TBCD: variants seen among roughly 807,000 people sequenced by gnomAD.
TBCD encodes the protein tubulin-specific chaperone D.
A neutral mutation model predicts 169.3 loss-of-function variants in TBCD; 105 were observed. That is an observed-to-expected ratio of 0.62 (90% confidence interval 0.53 to 0.73). TBCD has a LOEUF of 0.73. TBCD is among the 30% of genes least tolerant of loss of function. TBCD has a pLI of 0.00. For synonymous variants in TBCD, 700 were observed against 643.9 expected (o/e 1.09, Z -1.32); for missense variants, 1,444 against 1,600.1 (o/e 0.90, Z 1.66).
intron 34 of TBCD, among the ~76,000 whole-genome samples, chr17:82,936,288 AT>A (rs1275193821): frequency 6.6e-6 from 1 of 152,080 alleles, no homozygotes; most frequent in Non-Finnish European, 1.5e-5. Flanking sequence ...TGGAATTCTT[AT>A]TGTGGAGTTT....
chr17:82,805,987 C>G lies in TBCD; in HGVS notation c.1063C>G (p.Pro355Ala). The change falls in exon 10 of 39, where the codon CCA becomes GCA. Residue 355 changes from proline to alanine, a missense_variant. Pro to Ala is a conservative substitution (Grantham distance 27). Transcript: ENST00000355528. Reference protein sequence around the residue: ...TEDDDEDDDVPEGVERVIEQL... With the variant: ...TEDDDEDDDVAEGVERVIEQL... ...AGATGACGACGAAGATGACGACGTC[C>G]CAGAGGGGGTGGAGCGTGTGATAGG... 3.7e-6 allele frequency: 6 copies of G among 1,613,754 alleles called. No homozygotes were observed. The highest frequency in any genetic ancestry group is 5.1e-6 in the Non-Finnish European group (6 of 1,179,742).
At chr17:82,810,029 T>C (rs1430825730) in intron 12 of TBCD, among the ~76,000 whole-genome samples, 1 of 152,222 alleles carries the variant, frequency 6.6e-6, no homozygotes, top group African/African-American at 2.4e-5. Flanking sequence ...CCCATGTAGA[T>C]GTTTATTCTG....
rs1041994030 is a variant in TBCD at position 82,847,356 on chromosome 17, GAAAAAAA to G, written c.1319-22851_1319-22845del. On this transcript the variant is annotated intron_variant, in intron 13 of 38. Transcript: ENST00000355528. ...CAACAGAGCGAGACTCCATGTCAAA[GAAAAAAA>G]AAAAAAAAAAAAAAAAGAAACAACC... Among the ~76,000 whole-genome samples, 42 of 81,750 alleles carry G rather than the reference GAAAAAAA, an allele frequency of 5.1e-4. No homozygotes were observed. In the East Asian group the frequency reaches 7.1e-3, roughly 14 times the overall value. 53.6% of individuals were successfully genotyped at this position (81,750 alleles called of 152,430 possible).
chr17:82,932,627 T>TC (rs1232719127), intron 33 of TBCD, 31 bp from the exon 34 acceptor site: 25 of 1,602,560 alleles, frequency 1.6e-5, no homozygotes, highest in Non-Finnish European at 2.0e-5. Context: ...GTTGCTGGTG[T>TC]CCAGGGTCTC....
intron 13 of TBCD, among the ~76,000 whole-genome samples, chr17:82,868,710 T>G (rs2057355948): frequency 1.3e-5 from 2 of 152,246 alleles, no homozygotes; most frequent in Non-Finnish European, 2.9e-5. Flanking sequence ...AGTCCTACAG[T>G]TGTTGCTTAT....
chr17:82,884,141 A>G lies in TBCD; in HGVS notation c.1476-4A>G. ...TTTTAATTAATCCTTTCTCTTTTTC[A>G]CAGTGCACTGGTGATTGCTGCGGTG... is the stretch of plus-strand genomic sequence containing the variant. On this transcript the variant is annotated splice_polypyrimidine_tract_variant and splice_region_variant and intron_variant, in intron 14 of 38. Transcript: ENST00000355528. This position sits in a 1 kb window ranked among gnomAD's most constrained non-coding sequence, Gnocchi z 4.2. The G allele has an allele frequency of 6.2e-7, 1 of 1,606,536 alleles. No homozygotes were observed. Among genetic ancestry groups the G allele is most frequent in the South Asian group, 1.1e-5 (1 of 89,690 alleles).
chr17:82,817,632 G>T (rs1439234133), intron 13 of TBCD, among the ~76,000 whole-genome samples: 4 of 152,068 alleles, frequency 2.6e-5, no homozygotes, highest in Non-Finnish European at 5.9e-5. Context: ...TTTTTGTAGA[G>T]ATGGGGGTCT....
At chr17:82,774,987 C>T (rs2048498619) in intron 6 of TBCD, among the ~76,000 whole-genome samples, 1 of 152,210 alleles carries the variant, frequency 6.6e-6, no homozygotes. Context: ...TTCTTAGCAG[C>T]AGTACTGAGG....
chr17:82,900,481 A>C, intron 17 of TBCD, 170 bp from the exon 18 acceptor site: 2 of 612,402 alleles, frequency 3.3e-6, no homozygotes, highest in South Asian at 2.0e-5. Flanking sequence ...GTGTGTGCAC[A>C]GATGCTCTTT....
intron 2 of TBCD, among the ~76,000 whole-genome samples, chr17:82,757,346 G>A (rs986517149): frequency 6.6e-6 from 1 of 152,032 alleles, no homozygotes; most frequent in African/African-American, 2.4e-5. Flanking sequence ...TTTGGCTGGG[G>A]GTGGTGGCTC....
Position 82,889,198 on chromosome 17 carries a change from G to C in TBCD, c.1534-470G>C, listed in dbSNP as rs554945481. Among the ~76,000 whole-genome samples, 1 of 152,330 alleles carries C rather than the reference G, an allele frequency of 6.6e-6. No homozygotes were observed. Among genetic ancestry groups the C allele is most frequent in the South Asian group, 2.1e-4 (1 of 4,832 alleles). On this transcript the variant is annotated intron_variant, in intron 15 of 38. Coordinates refer to ENST00000355528, the MANE Select transcript of TBCD (RefSeq NM_005993.5). This position sits in a 1 kb window ranked among gnomAD's most constrained non-coding sequence, Gnocchi z 5.3. ...TTTCAGCAGCCCTTGCTCTGGGCCT[G>C]TGCCCGGCCCTGGGACTCGGCCTGG...
At chr17:82,925,907 CGTGG>C (rs2061707759) in intron 27 of TBCD, among the ~76,000 whole-genome samples, 2 of 150,452 alleles carry the variant, frequency 1.3e-5, no homozygotes, top group South Asian at 2.1e-4. Flanking sequence ...GGGGGCTGGC[CGTGG>C]AGAGGCTGGA....
chr17:82,894,019 G>C (rs975495790), intron 17 of TBCD, among the ~76,000 whole-genome samples: 1 of 66,462 alleles, frequency 1.5e-5, no homozygotes, highest in Non-Finnish European at 2.9e-5. Flanking sequence ...ACCTCCTCCT[G>C]ATGCTTCCCT....
chr17:82,891,420 G>A (rs1252500138), intron 16 of TBCD, among the ~76,000 whole-genome samples: 3 of 152,230 alleles, frequency 2.0e-5, no homozygotes, highest in African/African-American at 4.8e-5. Flanking sequence ...GGACGGCAGC[G>A]GGAGCCTCGT....
chr17:82,916,773 G>GT (rs1172132576), intron 23 of TBCD, among the ~76,000 whole-genome samples: 1 of 152,114 alleles, frequency 6.6e-6, no homozygotes, highest in African/African-American at 2.4e-5. Flanking sequence ...TTCCCTTTGT[G>GT]TTTATCTGAC....
At chr17:82,843,766 A>G (rs539872781) in intron 13 of TBCD, among the ~76,000 whole-genome samples, 126 of 152,306 alleles carry the variant, frequency 8.3e-4, no homozygotes, top group South Asian at 2.9e-3. Context: ...AGTGAAGGGC[A>G]CAGGTCTTAA....
intron 13 of TBCD, 21 bp from the exon 14 acceptor site, chr17:82,870,203 T>G (rs758749400): frequency 1.2e-6 from 2 of 1,612,076 alleles, no homozygotes; most frequent in African/African-American, 2.7e-5. Flanking sequence ...CCTCACCGTC[T>G]TTTCTCTTGT....
chr17:82,786,469 C>T (rs1259589477), intron 7 of TBCD, among the ~76,000 whole-genome samples: 1 of 152,180 alleles, frequency 6.6e-6, no homozygotes, highest in Non-Finnish European at 1.5e-5. Flanking sequence ...GGTCTCTTAA[C>T]GGGCTTCTAG....
chr17:82,858,608 C>G, intron 13 of TBCD: 1 of 985,370 alleles, frequency 1.0e-6, no homozygotes, highest in Non-Finnish European at 1.2e-6. Context: ...CGGCCTGGTT[C>G]GCTGGGTGTG....
Sources: allele counts gnomAD v4.1 joint callset (sites outside exome capture counted in the v4.1 genomes callset), GRCh38; gene constraint gnomAD v4.1.1; non-coding constraint Gnocchi (gnomAD v3.1); transcripts MANE v1.5; gene names NCBI Gene and HGNC (gene_info 2026-07-23, HGNC 2026-07-21).